Variants in DPP6 observed in about 807,000 individuals in gnomAD.
DPP6 encodes the protein A-type potassium channel modulatory protein DPP6.
Under a neutral mutation model 122.6 loss-of-function variants are expected in DPP6, and 69 were observed. The observed-to-expected ratio is 0.56, with a 90% CI of 0.46 to 0.69. The LOEUF (loss-of-function observed/expected upper bound fraction) is 0.69, where lower values mean the gene tolerates loss of function less well. DPP6 is among the 30% of genes least tolerant of loss of function. DPP6 has a pLI of 0.00. For synonymous variants in DPP6, 418 were observed against 433.1 expected, an observed-to-expected ratio of 0.97 and a Z score of 0.43; for missense variants, 928 against 1,116.9, an observed-to-expected ratio of 0.83 and a Z score of 2.41.
rs749732648 is a variant in DPP6 at position 154,795,900 on chromosome 7, C to T, written c.1299+17C>T. The T allele has an allele frequency of 3.6e-5, 58 of 1,606,140 alleles. No individual in the cohort carries two copies. In the Admixed American group the frequency reaches 4.4e-4, roughly 12 times the overall value. ...CACAGACAGGTAACTACTGCATGTC[C>T]GGGTCCCCACTGTCACCTCCACCTG... On this transcript the variant is annotated intron_variant, in intron 12 of 25. Coordinates refer to ENST00000377770, the MANE Select transcript of DPP6 (RefSeq NM_130797.4).
At chr7:153,819,782 T>G in the DPP6 span, among the ~76,000 whole-genome samples, 1 of 152,360 alleles carries the variant, frequency 6.6e-6, no homozygotes, top group East Asian at 1.9e-4. Context: ...TATATATGCA[T>G]ATTTTATCTC....
Position 154,876,986 on chromosome 7 carries a change from G to A in DPP6, c.2078+886G>A, listed in dbSNP as rs149302476. 5.9e-5 allele frequency: 9 copies of A among 152,378 alleles called. No individual in the cohort carries two copies. The East Asian group carries it at 1.7e-3, about 29-fold the overall frequency. 9.4% of individuals were successfully genotyped at this position (152,378 alleles called of 1,614,324 possible). On this transcript the variant is annotated intron_variant, in intron 20 of 25. Transcript: ENST00000377770. Reference sequence around the variant, plus strand: ...ATCACCGTTATGGGCAGGGGAGCGTGAGGCTGGGCCCGGGCACACAAGGAG... The same window carrying A: ...ATCACCGTTATGGGCAGGGGAGCGTAAGGCTGGGCCCGGGCACACAAGGAG...
the DPP6 span, among the ~76,000 whole-genome samples, chr7:153,881,067 T>C: frequency 3.9e-5 from 6 of 152,226 alleles, no homozygotes; most frequent in African/African-American, 1.2e-4. Context: ...TGTCGATTCT[T>C]AGTTGAAAGT....
chr7:154,013,926 G>A (rs1008922899), intron 1 of DPP6, among the ~76,000 whole-genome samples: 20 of 151,394 alleles, frequency 1.3e-4, no homozygotes, highest in African/African-American at 4.6e-4. Flanking sequence ...ACCAGCCACC[G>A]AGGGCCACCT....
intron 1 of DPP6, among the ~76,000 whole-genome samples, chr7:154,407,256 T>G (rs1345471284): frequency 6.6e-6 from 1 of 152,194 alleles, no homozygotes; most frequent in African/African-American, 2.4e-5. Flanking sequence ...TTCCTCCAAG[T>G]CTTCCCTGTT....
At chr7:153,983,116 A>C (rs1433701579) in intron 1 of DPP6, among the ~76,000 whole-genome samples, 1 of 152,238 alleles carries the variant, frequency 6.6e-6, no homozygotes, top group East Asian at 1.9e-4. Flanking sequence ...AGCAGGCAGG[A>C]ACGTTTAATT....
chr7:153,988,504 ATTTG>A (rs542112314), intron 1 of DPP6, among the ~76,000 whole-genome samples: 1 of 152,164 alleles, frequency 6.6e-6, no homozygotes, highest in Non-Finnish European at 1.5e-5. Context: ...AGGCTTGCAC[ATTTG>A]TTTGTCTTCC....
At chr7:153,799,533 G>T in the DPP6 span, among the ~76,000 whole-genome samples, 2 of 152,168 alleles carry the variant, frequency 1.3e-5, no homozygotes, top group South Asian at 4.2e-4. Context: ...ACACCATCCC[G>T]CTCTACTGCA....
chr7:154,123,841 G>T (rs531276167), intron 1 of DPP6, among the ~76,000 whole-genome samples: 2 of 142,402 alleles, frequency 1.4e-5, no homozygotes, highest in Admixed American at 7.0e-5. Context: ...CTGCCCGCTC[G>T]TGGGGCTTAC....
chr7:154,198,123 C>T (rs1798964489), intron 1 of DPP6, among the ~76,000 whole-genome samples: 1 of 152,020 alleles, frequency 6.6e-6, no homozygotes, highest in African/African-American at 2.4e-5. Context: ...GCACGGGGCC[C>T]TGTGTCATAT....
chr7:154,093,219 A>G (rs1317219470), intron 1 of DPP6, among the ~76,000 whole-genome samples: 1 of 150,420 alleles, frequency 6.6e-6, no homozygotes, highest in African/African-American at 2.5e-5. Flanking sequence ...CATCATACAC[A>G]TCATACACAC....
intron 1 of DPP6, among the ~76,000 whole-genome samples, chr7:154,063,732 C>T (rs1585294755): frequency 6.6e-6 from 1 of 151,584 alleles, no homozygotes. Flanking sequence ...CCCTCTTCCC[C>T]CCCGGCTTAG....
chr7:153,936,374 G>A lies in DPP6; in HGVS notation c.51+48640G>A, dbSNP rs145688595. ...GAGCGGCCAGGATGGGGCTGGGGTG[G>A]GGAACGTCCTGCAGCTGTTCTGGGG... On this transcript the variant is annotated intron_variant, in intron 1 of 25. Coordinates refer to the DPP6 transcript ENST00000404039. Among the ~76,000 whole-genome samples the A allele has an allele frequency of 4.3e-3, 655 of 152,260 alleles. 7 individuals carry two copies. Among genetic ancestry groups the A allele is most frequent in the African/African-American group, 0.015 (629 of 41,536 alleles).
chr7:153,971,339 G>T (rs1343531416), intron 1 of DPP6, among the ~76,000 whole-genome samples: 1 of 151,204 alleles, frequency 6.6e-6, no homozygotes, highest in Non-Finnish European at 1.5e-5. Flanking sequence ...CATTTCTTAG[G>T]ATTTTCTACA....
chr7:154,420,709 CA>C (rs1817401531), intron 1 of DPP6, among the ~76,000 whole-genome samples: 1 of 152,030 alleles, frequency 6.6e-6, no homozygotes, highest in Non-Finnish European at 1.5e-5. Context: ...TAAATGTTCT[CA>C]CAACAAAAAA....
At chr7:154,876,164 C>T in intron 20 of DPP6, 64 bp downstream of exon 20, 5 of 1,476,412 alleles carry the variant, frequency 3.4e-6, no homozygotes, top group South Asian at 1.4e-5. Context: ...GGGGGCAGCA[C>T]CGCAGTCACA....
At chr7:154,200,362 T>C (rs1204057563) in intron 1 of DPP6, among the ~76,000 whole-genome samples, 2 of 152,212 alleles carry the variant, frequency 1.3e-5, no homozygotes, top group Non-Finnish European at 2.9e-5. Context: ...GATTCCCTTC[T>C]CGCTATTTTG....
Position 154,268,615 on chromosome 7 carries a change from G to A in DPP6, c.244-177599G>A, listed in dbSNP as rs990960125. On this transcript the variant is annotated intron_variant, in intron 1 of 25. Coordinates refer to ENST00000377770, the MANE Select transcript of DPP6 (RefSeq NM_130797.4). Reference sequence around the variant, plus strand: ...TGGATGCATGCATTCAGACCACAGTGACAGCCTACAATCAAGTTCTAAATT... The same window carrying A: ...TGGATGCATGCATTCAGACCACAGTAACAGCCTACAATCAAGTTCTAAATT... 2.0e-5 allele frequency among the ~76,000 whole-genome samples: 3 copies of A among 152,152 alleles called. No individual in the cohort carries two copies. The South Asian group carries it at 6.2e-4, about 32-fold the overall frequency.
At chr7:154,801,868 C>T (rs911213468) in intron 13 of DPP6, among the ~76,000 whole-genome samples, 1 of 152,112 alleles carries the variant, frequency 6.6e-6, no homozygotes, top group African/African-American at 2.4e-5. Context: ...TCCCATGCTG[C>T]CCTACCTCCA....
Sources: gnomAD v4.1 joint callset for allele counts (sites outside exome capture counted in the v4.1 genomes callset) on GRCh38, gnomAD v4.1.1 for gene constraint, MANE v1.5 for transcripts, NCBI Gene and HGNC (gene_info 2026-07-23, HGNC 2026-07-21) for gene names.